GRAMD1C: variants seen among roughly 807,000 people sequenced by gnomAD.
GRAMD1C encodes the protein GRAM domain containing 1C, also known as protein Aster-C.
Under a neutral mutation model 97.8 loss-of-function variants are expected in GRAMD1C, and 89 were observed. The ratio of observed to expected loss-of-function variants is 0.91; its 90% CI spans 0.77 to 1.09. The LOEUF (loss-of-function observed/expected upper bound fraction) is 1.09, where lower values mean the gene tolerates loss of function less well. Ranked by LOEUF, GRAMD1C falls within the 50% of genes least tolerant of loss-of-function variation. GRAMD1C has a pLI of 0.00. For synonymous variants in GRAMD1C, 256 were observed against 267.0 expected, an observed-to-expected ratio of 0.96 and a Z score of 0.40; for missense variants, 740 against 766.4, an observed-to-expected ratio of 0.97 and a Z score of 0.41.
chr3:113,919,321 G>C (rs1428279342), intron 10 of GRAMD1C: 1 of 489,374 alleles, frequency 2.0e-6, no homozygotes, highest in Non-Finnish European at 4.1e-6. Context: ...ACTGAAGATG[G>C]CAAAGTAGAA....
At chr3:113,887,096 G>GTTTTT (rs59820635) in intron 6 of GRAMD1C, among the ~76,000 whole-genome samples, 2 of 94,052 alleles carry the variant, frequency 2.1e-5, no homozygotes. Context: ...TTTTTTTTTT[G>GTTTTT]TTTTTTTTTT....
chr3:113,930,890 C>A, intron 11 of GRAMD1C, 58 bp downstream of exon 11: 1 of 845,124 alleles, frequency 1.2e-6, no homozygotes, highest in Non-Finnish European at 2.0e-6. Flanking sequence ...GAGAAGATGC[C>A]TATTATAGTT....
intron 10 of GRAMD1C, chr3:113,919,428 T>C (rs1397125042): frequency 1.2e-5 from 6 of 514,022 alleles, no homozygotes; most frequent in South Asian, 7.3e-5. Flanking sequence ...GGAATTAGAA[T>C]TGAATTTATA....
chr3:113,945,151 C>G (rs1938006697), intron 17 of GRAMD1C, among the ~76,000 whole-genome samples: 1 of 152,080 alleles, frequency 6.6e-6, no homozygotes, highest in Non-Finnish European at 1.5e-5. Context: ...ATTAATGGAC[C>G]TATTGGGAGG....
At chr3:113,907,432 T>C (rs1936410072) in intron 8 of GRAMD1C, among the ~76,000 whole-genome samples, 1 of 152,200 alleles carries the variant, frequency 6.6e-6, no homozygotes, top group South Asian at 2.1e-4. Context: ...CTTAATGCTT[T>C]AAGATCGATC....
At chr3:113,940,371 C>A in intron 17 of GRAMD1C, 26 bp downstream of exon 17, 1 of 1,111,478 alleles carries the variant, frequency 9.0e-7, no homozygotes, top group Non-Finnish European at 1.4e-6. Context: ...CATCACAGTA[C>A]TTAGTATCTT....
chr3:113,885,591 A>G, intron 6 of GRAMD1C: 1 of 1,535,550 alleles, frequency 6.5e-7, no homozygotes, highest in South Asian at 1.1e-5. Context: ...CAAGGTGGTA[A>G]TAGACAAACA....
chr3:113,900,920 T>G, intron 6 of GRAMD1C, 111 bp from the exon 7 acceptor site: 1 of 600,232 alleles, frequency 1.7e-6, no homozygotes, highest in Non-Finnish European at 3.0e-6. Flanking sequence ...AAGCCCCATA[T>G]CTAGTCTTTG....
chr3:113,851,943 A>G (rs1037305096), intron 2 of GRAMD1C, among the ~76,000 whole-genome samples: 2 of 152,014 alleles, frequency 1.3e-5, no homozygotes, highest in African/African-American at 4.8e-5. Flanking sequence ...ATCTCGGCTC[A>G]CTGCAACCTC....
At chr3:113,905,080 C>T (rs929798067) in intron 8 of GRAMD1C, among the ~76,000 whole-genome samples, 15 of 152,278 alleles carry the variant, frequency 9.9e-5, no homozygotes, top group South Asian at 4.1e-4. Context: ...ATGATCCACC[C>T]GCCTTGGCCT....
intron 1 of GRAMD1C, among the ~76,000 whole-genome samples, chr3:113,833,223 T>C (rs950899454): frequency 4.0e-5 from 6 of 150,772 alleles, no homozygotes; most frequent in Non-Finnish European, 5.9e-5. Context: ...CTGCAACCTC[T>C]GCCTCCTGGG....
upstream of GRAMD1C, among the ~76,000 whole-genome samples, chr3:113,834,891 G>A (rs1036856192): frequency 2.5e-4 from 38 of 150,260 alleles, no homozygotes; most frequent in African/African-American, 8.8e-4. Context: ...AGTGAACTGA[G>A]GTCGTGCCAT....
chr3:113,922,753 A>G (rs1228645349), intron 10 of GRAMD1C, among the ~76,000 whole-genome samples: 2 of 152,080 alleles, frequency 1.3e-5, no homozygotes, highest in Non-Finnish European at 2.9e-5. Flanking sequence ...CACTTTGGCT[A>G]TTGGGCTCTT....
intron 6 of GRAMD1C, among the ~76,000 whole-genome samples, chr3:113,894,365 G>A (rs146498598): frequency 0.014 from 2,070 of 151,596 alleles, 37 homozygotes; most frequent in African/African-American, 0.047. Flanking sequence ...TGCAACCTCC[G>A]CCTCCTAGGT....
At chr3:113,928,783 T>C (rs1056684313) in intron 10 of GRAMD1C, among the ~76,000 whole-genome samples, 1 of 152,246 alleles carries the variant, frequency 6.6e-6, no homozygotes, top group Non-Finnish European at 1.5e-5. Flanking sequence ...TTCATCCTCG[T>C]TGGGGCATGT....
At chr3:113,838,602 C>G (rs1162276629), upstream of GRAMD1C, 1 of 326,894 alleles carries the variant, frequency 3.1e-6, no homozygotes, top group African/African-American at 2.2e-5. Flanking sequence ...AGTTTCCGAG[C>G]AATTCACCTT....
chr3:113,917,529 C>T (rs2107343622), intron 10 of GRAMD1C, among the ~76,000 whole-genome samples: 1 of 151,794 alleles, frequency 6.6e-6, no homozygotes, highest in South Asian at 2.1e-4. Context: ...GCCGTGTTGG[C>T]CATGCTGGTC....
At chr3:113,837,069 TTCCC>T (rs1709642882), upstream of GRAMD1C, among the ~76,000 whole-genome samples, 1 of 152,154 alleles carries the variant, frequency 6.6e-6, no homozygotes, top group Non-Finnish European at 1.5e-5. Context: ...CTAGAATGTC[TTCCC>T]TCCCTCCCTT....
intron 2 of GRAMD1C, among the ~76,000 whole-genome samples, chr3:113,864,048 C>G (rs1008584072): frequency 7.2e-5 from 11 of 152,178 alleles, no homozygotes; most frequent in Non-Finnish European, 1.2e-4. Flanking sequence ...TAAGTATTCT[C>G]TCTCTCATTT....
Sources: gnomAD v4.1 joint callset for allele counts (sites outside exome capture counted in the v4.1 genomes callset) on GRCh38, gnomAD v4.1.1 for gene constraint, MANE v1.5 for transcripts, NCBI Gene and HGNC (gene_info 2026-07-23, HGNC 2026-07-21) for gene names.